TCEA1: variants seen among roughly 807,000 people sequenced by gnomAD.
TCEA1 encodes the protein transcription elongation factor A1.
Under a neutral mutation model 43.8 loss-of-function variants are expected in TCEA1, and 21 were observed. That is an observed-to-expected ratio of 0.48 (90% CI 0.34 to 0.69). The LOEUF is 0.69. Ranked by LOEUF, TCEA1 falls within the 30% of genes least tolerant of loss-of-function variation. The pLI is 0.01. For missense variants in TCEA1, 250 were observed against 365.1 expected (o/e 0.68, Z 2.57); for synonymous variants, 104 against 117.5 (o/e 0.88, Z 0.75).
chr8:53,979,560 A>T (rs1428352429), intron 7 of TCEA1, among the ~76,000 whole-genome samples: 1 of 152,232 alleles, frequency 6.6e-6, no homozygotes, highest in Non-Finnish European at 1.5e-5. Context: ...ACTTTGATGC[A>T]AAGATGGTAA....
intron 4 of TCEA1, among the ~76,000 whole-genome samples, chr8:53,988,582 G>A (rs949657342): frequency 5.3e-5 from 8 of 152,088 alleles, no homozygotes; most frequent in African/African-American, 1.9e-4. Flanking sequence ...AATGATCTTG[G>A]TATAAGGAGA....
intron 1 of TCEA1, among the ~76,000 whole-genome samples, chr8:54,021,061 C>A (rs1267769413): frequency 6.6e-6 from 1 of 152,082 alleles, no homozygotes; most frequent in Non-Finnish European, 1.5e-5. Context: ...TGGTGGCGCA[C>A]GTCTGTAATC....
chr8:53,994,778 G>T (rs1803997020), intron 3 of TCEA1, among the ~76,000 whole-genome samples: 1 of 151,914 alleles, frequency 6.6e-6, no homozygotes, highest in African/African-American at 2.4e-5. Context: ...GGCTGAGGCA[G>T]AAGAATAGCT....
At chr8:54,010,040 A>T (rs1804602249) in intron 2 of TCEA1, 1 of 194,560 alleles carries the variant, frequency 5.1e-6, no homozygotes. Flanking sequence ...GCTAAAAAAA[A>T]AAGAAAAAAA....
chr8:53,978,756 T>A (rs910540602), intron 8 of TCEA1: 8 of 322,340 alleles, frequency 2.5e-5, no homozygotes, highest in Admixed American at 8.5e-5. Context: ...TTGTTATAAT[T>A]ATTCTATTTG....
Position 54,022,048 on chromosome 8 carries a change from G to C in TCEA1, c.63+15C>G. ...CCCGGCCTCCCTCCCGGCCCGCGCCGCTCGCCGCGCTCACCGCGTTCTTCT... is the reference window on the plus strand; with the variant it reads ...CCCGGCCTCCCTCCCGGCCCGCGCCCCTCGCCGCGCTCACCGCGTTCTTCT... On this transcript the variant is annotated intron_variant, in intron 1 of 9. Coordinates refer to ENST00000521604, the MANE Select transcript of TCEA1 (RefSeq NM_006756.4). The C allele has an allele frequency of 1.3e-6, 2 of 1,541,788 alleles. 1 individual carries two copies. Among genetic ancestry groups the C allele is most frequent in the Middle Eastern group, 4.7e-4 (2 of 4,294 alleles).
chr8:53,972,502 A>G (rs1563460476), intron 8 of TCEA1: 1 of 535,364 alleles, frequency 1.9e-6, no homozygotes, highest in Non-Finnish European at 3.8e-6. Context: ...GACATTACAC[A>G]TTAATTAGCA....
chr8:53,983,842 T>C (rs1481164264), intron 7 of TCEA1, among the ~76,000 whole-genome samples: 1 of 152,236 alleles, frequency 6.6e-6, no homozygotes, highest in Admixed American at 6.5e-5. Flanking sequence ...CTCACACCTG[T>C]AATTCCAACA....
At chr8:53,989,465 C>T (rs1002838536) in intron 4 of TCEA1, among the ~76,000 whole-genome samples, 2 of 152,200 alleles carry the variant, frequency 1.3e-5, no homozygotes, top group Non-Finnish European at 2.9e-5. Flanking sequence ...AAAACATAAC[C>T]ACTGTTAAAC....
At chr8:53,999,911 A>G (rs990519211) in intron 3 of TCEA1, 34 bp downstream of exon 3, 130 of 1,328,918 alleles carry the variant, frequency 9.8e-5, no homozygotes, top group Non-Finnish European at 1.3e-4. Context: ...AAATCACAAC[A>G]TCATAAATAT....
rs977648032 is a variant in TCEA1 at position 53,977,579 on chromosome 8, G to A, written c.825+1446C>T. ...TTTTTTAAGTGCTTAATGTTCTATC[G>A]GTGAAAAAATCAATTCCCCAAATCT... On this transcript the variant is annotated intron_variant, in intron 8 of 9. Transcript: ENST00000521604. Among the ~76,000 whole-genome samples the A allele has an allele frequency of 7.2e-5, 11 of 151,978 alleles. 1 individual carries two copies. The highest frequency in any genetic ancestry group is 6.2e-4 in the South Asian group (3 of 4,816).
chr8:54,010,204 C>A, intron 2 of TCEA1: 1 of 408,990 alleles, frequency 2.4e-6, no homozygotes, highest in Non-Finnish European at 4.3e-6. Context: ...ACTGCTACTG[C>A]CAACTTTAGA....
At chr8:53,982,915 C>T (rs1330563131) in intron 7 of TCEA1, among the ~76,000 whole-genome samples, 1 of 152,202 alleles carries the variant, frequency 6.6e-6, no homozygotes, top group African/African-American at 2.4e-5. Context: ...TCTGAAAGAA[C>T]ATCTACTATG....
intron 8 of TCEA1, chr8:53,971,817 AAAAG>A (rs141561871): frequency 0.11 from 24,265 of 227,384 alleles, 5,429 homozygotes; most frequent in African/African-American, 0.5. Flanking sequence ...CTAGTTGAGA[AAAAG>A]AAAGAAACCA....
At chr8:54,012,586 A>T (rs1349145896) in intron 1 of TCEA1, among the ~76,000 whole-genome samples, 1 of 152,216 alleles carries the variant, frequency 6.6e-6, no homozygotes, top group Non-Finnish European at 1.5e-5. Context: ...AACAAAAAAA[A>T]GAAATGTTAA....
intron 3 of TCEA1, among the ~76,000 whole-genome samples, chr8:53,994,639 C>T (rs184014820): frequency 2.3e-3 from 349 of 152,014 alleles, no homozygotes; most frequent in African/African-American, 8.1e-3. Flanking sequence ...AAGGCCACGG[C>T]GGGCAGATCA....
intron 3 of TCEA1, among the ~76,000 whole-genome samples, chr8:53,997,571 C>G (rs1407188182): frequency 6.6e-6 from 1 of 152,266 alleles, no homozygotes; most frequent in Non-Finnish European, 1.5e-5. Context: ...GAGAAAAAAG[C>G]AGGTACACCT....
At chr8:53,991,779 C>T (rs550581268) in intron 4 of TCEA1, among the ~76,000 whole-genome samples, 22 of 151,508 alleles carry the variant, frequency 1.5e-4, no homozygotes, top group South Asian at 4.2e-4. Context: ...GAAAACTAAA[C>T]GGATATAACG....
chr8:53,999,735 G>GT, intron 3 of TCEA1: 1 of 459,596 alleles, frequency 2.2e-6, no homozygotes, highest in Non-Finnish European at 3.9e-6. Context: ...TGTGTCAAAA[G>GT]TTAAGAAAGC....
Sources: gnomAD v4.1 joint callset for allele counts (sites outside exome capture counted in the v4.1 genomes callset) on GRCh38, gnomAD v4.1.1 for gene constraint, MANE v1.5 for transcripts, NCBI Gene and HGNC (gene_info 2026-07-23, HGNC 2026-07-21) for gene names.